FAT3: variants seen among roughly 807,000 people sequenced by gnomAD.
FAT3 encodes the protein protocadherin Fat 3.
In FAT3, 95 loss-of-function variants were observed where a neutral mutation model predicts 310.2. The observed-to-expected ratio is 0.31, with a 90% CI of 0.26 to 0.36. The LOEUF (loss-of-function observed/expected upper bound fraction) is 0.36, where lower values mean the gene tolerates loss of function less well. Among genes scored for constraint, FAT3 ranks in the 10% least tolerant of loss-of-function variants. The pLI, the probability that FAT3 is intolerant of heterozygous loss-of-function variation, is 1.00. For missense variants in FAT3, 5,408 were observed against 5,715.6 expected (o/e 0.95, Z 1.74); for synonymous variants, 2,314 against 2,192.9 (o/e 1.06, Z -1.54).
chr11:92,857,880 A>C (rs567207887), intron 20 of FAT3, among the ~76,000 whole-genome samples: 5 of 152,298 alleles, frequency 3.3e-5, no homozygotes, highest in Admixed American at 1.3e-4. Context: ...CTGCATCTTA[A>C]GGAAAAAAAA....
At chr11:92,419,597 G>A (rs2134971701) in intron 2 of FAT3, among the ~76,000 whole-genome samples, 1 of 152,186 alleles carries the variant, frequency 6.6e-6, no homozygotes, top group African/African-American at 2.4e-5. Flanking sequence ...TAATCCTTAG[G>A]TGTGTTGTAA....
At chr11:92,459,243 G>T (rs1191873832) in intron 2 of FAT3, among the ~76,000 whole-genome samples, 1 of 152,162 alleles carries the variant, frequency 6.6e-6, no homozygotes, top group Non-Finnish European at 1.5e-5. Context: ...AGAGCATGCT[G>T]CCAGAGAGCC....
intron 2 of FAT3, among the ~76,000 whole-genome samples, chr11:92,462,850 A>G (rs1005120766): frequency 1.6e-4 from 24 of 152,356 alleles, no homozygotes; most frequent in African/African-American, 5.8e-4. Context: ...TCCCTGGCCA[A>G]TAGAACTTCC....
chr11:92,347,838 A>G (rs1948457225), intron 1 of FAT3, among the ~76,000 whole-genome samples: 4 of 152,210 alleles, frequency 2.6e-5, no homozygotes, highest in African/African-American at 9.6e-5. Flanking sequence ...GAGGTTGGGA[A>G]CTAAGTGCTT....
At chr11:92,701,106 C>T (rs1380906193) in intron 4 of FAT3, among the ~76,000 whole-genome samples, 1 of 152,092 alleles carries the variant, frequency 6.6e-6, no homozygotes, top group African/African-American at 2.4e-5. Flanking sequence ...CCGAGATAAC[C>T]TTATGCTCCT....
chr11:92,427,807 C>T (rs1950669625), intron 2 of FAT3, among the ~76,000 whole-genome samples: 1 of 152,134 alleles, frequency 6.6e-6, no homozygotes, highest in Admixed American at 6.5e-5. Flanking sequence ...TGATGTTCAT[C>T]AGGAATATTG....
At chr11:92,657,747 G>T (rs930913659) in intron 3 of FAT3, among the ~76,000 whole-genome samples, 1 of 152,158 alleles carries the variant, frequency 6.6e-6, no homozygotes, top group Non-Finnish European at 1.5e-5. Flanking sequence ...TGCTAAGAAC[G>T]GGTTGATGAA....
At chr11:92,604,290 C>T (rs1332983764) in intron 3 of FAT3, among the ~76,000 whole-genome samples, 3 of 152,126 alleles carry the variant, frequency 2.0e-5, no homozygotes, top group Admixed American at 1.3e-4. Context: ...AGATTATTTT[C>T]TTCTTTTTAA....
chr11:92,364,995 C>G (rs1414704107), intron 2 of FAT3, among the ~76,000 whole-genome samples: 1 of 152,222 alleles, frequency 6.6e-6, no homozygotes, highest in Non-Finnish European at 1.5e-5. Context: ...CACAGCAGCT[C>G]ATGCCTATAA....
intron 1 of FAT3, among the ~76,000 whole-genome samples, chr11:92,349,337 C>T (rs537690264): frequency 1.1e-4 from 16 of 152,262 alleles, no homozygotes; most frequent in Non-Finnish European, 1.5e-5. Flanking sequence ...AATGTCTCCA[C>T]TGCTTTGGAG....
Position 92,352,743 on chromosome 11 carries a change from G to A in FAT3, c.631G>A (p.Gly211Ser). 2 of 1,613,780 alleles carry A rather than the reference G, an allele frequency of 1.2e-6. No homozygotes were observed. Among genetic ancestry groups the A allele is most frequent in the Non-Finnish European group, 1.7e-6 (2 of 1,179,878 alleles). ...VDLFSVHPTS[G>S]VISLSGRLNY... ...TCTCTTTTCAGTTCACCCCACGAGT[G>A]GTGTCATCTCCTTAAGTGGTCGATT... is the stretch of plus-strand genomic sequence containing the variant. The change falls in exon 2 of 28, where the codon GGT becomes AGT. Residue 211 changes from glycine (G) to serine (S), a missense_variant. By Grantham distance (56) the Gly-to-Ser change is moderately conservative (BLOSUM62 0). Coordinates refer to ENST00000525166, the MANE Select transcript of FAT3 (RefSeq NM_001367949.2).
At position 92,800,545 on chromosome 11, in the gene FAT3, C is replaced by T. The variant is rs749227219; in HGVS notation, c.7532C>T (p.Ala2511Val). 4.6e-5 allele frequency: 75 copies of T among 1,613,696 alleles called. No individual in the cohort carries two copies. Among genetic ancestry groups the T allele is most frequent in the Non-Finnish European group, 5.8e-5 (69 of 1,179,858 alleles). Residue 2511 changes from alanine to valine, a missense_variant, in exon 10 of 28, where the codon GCA (alanine) becomes GTA (valine). Coordinates refer to ENST00000525166, the MANE Select transcript of FAT3 (RefSeq NM_001367949.2). ...YVAEVRENVA[A>V]GTKVIHVRAT... The stretch of plus-strand genomic sequence containing the variant: ...GCTGAGGTGAGAGAGAACGTGGCTG[C>T]AGGAACAAAGGTAATTCATGTTCGA...
At chr11:92,277,859 CT>C (rs148961924) in intron 1 of FAT3, among the ~76,000 whole-genome samples, 8 of 147,858 alleles carry the variant, frequency 5.4e-5, no homozygotes, top group East Asian at 2.0e-4. Context: ...AAAAGTCAAT[CT>C]TTTTTTTTTT....
At chr11:92,811,968 C>T (rs972437054) in intron 13 of FAT3, among the ~76,000 whole-genome samples, 1 of 152,176 alleles carries the variant, frequency 6.6e-6, no homozygotes, top group Non-Finnish European at 1.5e-5. Context: ...CCTACTGTGC[C>T]TTAGCCAGCA....
chr11:92,755,008 T>C (rs1233652445), intron 4 of FAT3, among the ~76,000 whole-genome samples: 1 of 151,942 alleles, frequency 6.6e-6, no homozygotes, highest in African/African-American at 2.4e-5. Context: ...TGTAAAAAAG[T>C]CAAATTTATA....
At chr11:92,615,632 C>T (rs554137664) in intron 3 of FAT3, among the ~76,000 whole-genome samples, 2 of 152,220 alleles carry the variant, frequency 1.3e-5, no homozygotes, top group African/African-American at 2.4e-5. Flanking sequence ...AAATTTCCCT[C>T]TATGCACTGC....
At chr11:92,428,749 T>C (rs1010324267) in intron 2 of FAT3, among the ~76,000 whole-genome samples, 1 of 151,520 alleles carries the variant, frequency 6.6e-6, no homozygotes, top group Non-Finnish European at 1.5e-5. Flanking sequence ...TCTGAGAGAC[T>C]GTTATGATTT....
intron 2 of FAT3, among the ~76,000 whole-genome samples, chr11:92,394,827 T>C (rs1949830958): frequency 6.6e-6 from 1 of 152,232 alleles, no homozygotes; most frequent in African/African-American, 2.4e-5. Flanking sequence ...TTACCAGTTA[T>C]ACAGATGAAG....
intron 3 of FAT3, among the ~76,000 whole-genome samples, chr11:92,575,088 C>G (rs931242794): frequency 3.3e-5 from 5 of 152,074 alleles, no homozygotes. Flanking sequence ...TCCCCTTTAC[C>G]TTGATTTTTT....
Sources: allele counts gnomAD v4.1 joint callset (sites outside exome capture counted in the v4.1 genomes callset), GRCh38; gene constraint gnomAD v4.1.1; transcripts MANE v1.5; gene names NCBI Gene and HGNC (gene_info 2026-07-23, HGNC 2026-07-21).